EYS: variants seen among roughly 807,000 people sequenced by gnomAD.
EYS encodes protein eyes shut homolog.
In EYS, 250 loss-of-function variants were observed where a neutral mutation model predicts 282.1. That is an observed-to-expected ratio of 0.89 (90% CI 0.80 to 0.98). EYS has a LOEUF of 0.98. Ranked by LOEUF, EYS falls within the 50% of genes least tolerant of loss-of-function variation. The pLI is 0.00. For missense variants in EYS, 4,016 were observed against 3,709.0 expected (o/e 1.08, Z -2.15); for synonymous variants, 1,355 against 1,282.9 (o/e 1.06, Z -1.20).
rs144447420 is a variant in EYS, at chr6:63,947,118, T to C, written c.7055+37265A>G. Among the ~76,000 whole-genome samples, 266 of 152,202 alleles carry C rather than the reference T, an allele frequency of 1.7e-3. 1 individual carries two copies. The highest frequency in any genetic ancestry group is 6.0e-3 in the African/African-American group (251 of 41,542). ...GTGAGGGTGATGGTGGTTAACAACATACTTTTTAAGAAAAGTATATTGAGT... is the reference window on the plus strand; with the variant it reads ...GTGAGGGTGATGGTGGTTAACAACACACTTTTTAAGAAAAGTATATTGAGT... On this transcript the variant is annotated intron_variant, in intron 35 of 42. Transcript: ENST00000503581.
At chr6:65,359,929 T>C (rs1259327411) in intron 8 of EYS, among the ~76,000 whole-genome samples, 1 of 151,978 alleles carries the variant, frequency 6.6e-6, no homozygotes, top group Non-Finnish European at 1.5e-5. Context: ...TTTTTTCAAC[T>C]CACACACCTC....
At chr6:64,783,945 CA>C (rs1333813090) in intron 22 of EYS, among the ~76,000 whole-genome samples, 1 of 151,974 alleles carries the variant, frequency 6.6e-6, no homozygotes, top group Non-Finnish European at 1.5e-5. Context: ...ATAAATTTAA[CA>C]AAAATTTAAT....
At chr6:64,853,777 T>C (rs1344519950) in intron 19 of EYS, among the ~76,000 whole-genome samples, 1 of 151,976 alleles carries the variant, frequency 6.6e-6, no homozygotes, top group Non-Finnish European at 1.5e-5. Context: ...ACTAAAGAGC[T>C]TCTGCACAGC....
intron 6 of EYS, among the ~76,000 whole-genome samples, chr6:65,404,625 G>T (rs977427219): frequency 2.0e-5 from 3 of 151,614 alleles, no homozygotes; most frequent in Non-Finnish European, 4.4e-5. Context: ...ACTTTTATCT[G>T]TATATTATGT....
chr6:64,100,959 T>C (rs1772805122), intron 31 of EYS, among the ~76,000 whole-genome samples: 1 of 152,212 alleles, frequency 6.6e-6, no homozygotes, highest in South Asian at 2.1e-4. Context: ...GTTTCAACTC[T>C]TGATTTTGTT....
intron 5 of EYS, among the ~76,000 whole-genome samples, chr6:65,476,419 T>C (rs938607435): frequency 6.6e-6 from 1 of 152,212 alleles, no homozygotes; most frequent in Non-Finnish European, 1.5e-5. Flanking sequence ...ATGTACATCT[T>C]AATTTAATTC....
chr6:65,212,299 A>G (rs1178304949), intron 12 of EYS, among the ~76,000 whole-genome samples: 1 of 152,090 alleles, frequency 6.6e-6, no homozygotes, highest in Non-Finnish European at 1.5e-5. Context: ...CATAAGAATG[A>G]AAGGTATTTT....
chr6:64,815,646 AAT>A (rs1764724704), intron 21 of EYS, among the ~76,000 whole-genome samples: 1 of 152,034 alleles, frequency 6.6e-6, no homozygotes, highest in Admixed American at 6.6e-5. Context: ...TATTCTATTT[AAT>A]ATAATAAAGT....
chr6:64,687,478 C>T (rs1051533173), intron 22 of EYS, among the ~76,000 whole-genome samples: 2 of 152,062 alleles, frequency 1.3e-5, no homozygotes, highest in Non-Finnish European at 2.9e-5. Flanking sequence ...TTGAGATAAT[C>T]ATGTGGTTTT....
chr6:65,052,560 A>G (rs1773301951), intron 13 of EYS, among the ~76,000 whole-genome samples: 1 of 151,632 alleles, frequency 6.6e-6, no homozygotes, highest in South Asian at 2.1e-4. Flanking sequence ...TAAAATAGAA[A>G]ATTGTGGTAT....
intron 33 of EYS, among the ~76,000 whole-genome samples, chr6:64,044,914 A>G (rs1315347911): frequency 6.6e-6 from 1 of 152,220 alleles, no homozygotes; most frequent in African/African-American, 2.4e-5. Context: ...TATGAAATGC[A>G]GTGGTTAAAA....
At chr6:64,826,277 C>T (rs2150025138) in intron 19 of EYS, among the ~76,000 whole-genome samples, 1 of 150,808 alleles carries the variant, frequency 6.6e-6, no homozygotes, top group Admixed American at 6.6e-5. Context: ...GAACCATGTT[C>T]TTTCTTTTTG....
intron 31 of EYS, among the ~76,000 whole-genome samples, chr6:64,212,830 T>G (rs1765820929): frequency 6.6e-6 from 1 of 152,130 alleles, no homozygotes; most frequent in African/African-American, 2.4e-5. Context: ...TGCAACACTA[T>G]TCACAATAGC....
intron 35 of EYS, among the ~76,000 whole-genome samples, chr6:63,903,418 T>C (rs16894641): frequency 0.024 from 3,642 of 152,086 alleles, 139 homozygotes; most frequent in African/African-American, 0.08. Flanking sequence ...GAAAGGGAAA[T>C]TTGTAAGAAT....
intron 33 of EYS, among the ~76,000 whole-genome samples, chr6:64,063,629 A>G (rs1269540193): frequency 1.3e-5 from 2 of 152,138 alleles, no homozygotes; most frequent in Non-Finnish European, 2.9e-5. Context: ...TTTGTTTTTC[A>G]TTACTAAGGC....
At chr6:63,941,282 T>A (rs546224912) in intron 35 of EYS, among the ~76,000 whole-genome samples, 5 of 152,210 alleles carry the variant, frequency 3.3e-5, no homozygotes, top group African/African-American at 7.2e-5. Flanking sequence ...ATGGTTGAGC[T>A]AGTTTACAGT....
At chr6:65,582,580 G>A (rs1290530308) in intron 2 of EYS, among the ~76,000 whole-genome samples, 8 of 152,044 alleles carry the variant, frequency 5.3e-5, no homozygotes, top group African/African-American at 1.9e-4. Flanking sequence ...GGAATTACAT[G>A]ATATTTTGCT....
intron 31 of EYS, among the ~76,000 whole-genome samples, chr6:64,117,441 ACAT>A (rs2150271080): frequency 6.6e-6 from 1 of 151,962 alleles, no homozygotes; most frequent in Admixed American, 6.5e-5. Flanking sequence ...TTTTTTAAAA[ACAT>A]CAACAAAATT....
At chr6:64,887,935 C>A (rs1478936115) in intron 18 of EYS, among the ~76,000 whole-genome samples, 1 of 151,808 alleles carries the variant, frequency 6.6e-6, no homozygotes, top group Non-Finnish European at 1.5e-5. Flanking sequence ...TTTTAAAATT[C>A]TGAATATGAA....
Sources: allele counts gnomAD v4.1 joint callset (sites outside exome capture counted in the v4.1 genomes callset), GRCh38; gene constraint gnomAD v4.1.1; transcripts MANE v1.5; gene names NCBI Gene and HGNC (gene_info 2026-07-23, HGNC 2026-07-21).